TNIP3: variants seen among roughly 807,000 people sequenced by gnomAD.
TNIP3 encodes the protein TNFAIP3-interacting protein 3.
In TNIP3, 34 loss-of-function variants were observed where a neutral mutation model predicts 54.1. The observed-to-expected ratio is 0.63, with a 90% confidence interval of 0.48 to 0.84. TNIP3 has a LOEUF of 0.84. Among genes scored for constraint, TNIP3 ranks in the 40% least tolerant of loss-of-function variants. The probability of loss-of-function intolerance (pLI) is 0.00; values close to 1 mark genes in which losing one functional copy is unlikely to be tolerated. For missense variants in TNIP3, 366 were observed against 387.6 expected (o/e 0.94, Z 0.47); for synonymous variants, 134 against 136.8 (o/e 0.98, Z 0.14).
chr4:121,225,462 C>T (rs1246248638), intron 1 of TNIP3, among the ~76,000 whole-genome samples: 3 of 152,002 alleles, frequency 2.0e-5, no homozygotes, highest in African/African-American at 2.4e-5. Context: ...TGGATGTACA[C>T]GTGAAAAGTG....
chr4:121,151,221 G>T (rs1204991800), intron 5 of TNIP3, among the ~76,000 whole-genome samples: 1 of 152,096 alleles, frequency 6.6e-6, no homozygotes, highest in East Asian at 1.9e-4. Flanking sequence ...AATAGAAAAG[G>T]TTCATTTTCA....
At chr4:121,177,813 T>C (rs1005489102) in intron 3 of TNIP3, among the ~76,000 whole-genome samples, 24 of 152,230 alleles carry the variant, frequency 1.6e-4, no homozygotes, top group African/African-American at 5.1e-4. Context: ...CAGAATGCTA[T>C]TGTGTAAATA....
chr4:121,142,994 A>C (rs181185524), intron 7 of TNIP3, among the ~76,000 whole-genome samples: 1 of 152,344 alleles, frequency 6.6e-6, no homozygotes, highest in Non-Finnish European at 1.5e-5. Flanking sequence ...TTTTGAGGCC[A>C]TTACAATTCT....
chr4:121,158,620 C>T, intron 3 of TNIP3, 67 bp downstream of exon 3: 1 of 1,268,708 alleles, frequency 7.9e-7, no homozygotes, highest in Non-Finnish European at 1.1e-6. Flanking sequence ...GAATGAGACT[C>T]TTCACACAAT....
At position 121,216,343 on chromosome 4, in the gene TNIP3, C is replaced by T. The variant is rs547662751; in HGVS notation, c.68+72G>A. On this transcript the variant is annotated intron_variant, in intron 2 of 12. Transcript: ENST00000507879. ...TTCTACTCTTAATACACTATCATTG[C>T]CACAAAGCAGAAGTGCTCTAATTAG... 1.2e-5 allele frequency: 16 copies of T among 1,296,458 alleles called. No homozygotes were observed. The Admixed American group carries it at 1.6e-4, about 13-fold the overall frequency. The allele number at this position is 1,296,458 out of a possible 1,614,324, so 80.3% of individuals were successfully genotyped here.
chr4:121,195,523 GTTT>G (rs2148835825), intron 2 of TNIP3, among the ~76,000 whole-genome samples: 1 of 152,270 alleles, frequency 6.6e-6, no homozygotes, highest in South Asian at 2.1e-4. Flanking sequence ...GGTACTCTTT[GTTT>G]ATTATAACAT....
intron 9 of TNIP3, among the ~76,000 whole-genome samples, chr4:121,139,904 C>G (rs537334672): frequency 1.3e-5 from 2 of 152,338 alleles, no homozygotes; most frequent in South Asian, 4.1e-4. Context: ...ATGTTACCAA[C>G]ACTATAGCAT....
chr4:121,178,428 T>C (rs1463940248), intron 3 of TNIP3, among the ~76,000 whole-genome samples: 1 of 152,086 alleles, frequency 6.6e-6, no homozygotes, highest in Non-Finnish European at 1.5e-5. Context: ...AAAGAAGAAG[T>C]CTCTTCACCT....
rs547727605 is a variant in TNIP3, at chr4:121,210,540, G to C, written c.68+5875C>G. Reference sequence around the variant, plus strand: ...AATAGTGTCTTAGTCTTCTTGAGTTGCCATAAGGAAACAGCATAGATTGGG... The same window carrying C: ...AATAGTGTCTTAGTCTTCTTGAGTTCCCATAAGGAAACAGCATAGATTGGG... On this transcript the variant is annotated intron_variant, in intron 2 of 12. Transcript: ENST00000507879. 5.3e-5 allele frequency among the ~76,000 whole-genome samples: 8 copies of C among 152,268 alleles called. No individual in the cohort carries two copies. In the East Asian group the frequency reaches 1.5e-3, roughly 29 times the overall value.
chr4:121,143,553 A>G (rs1729250779), intron 7 of TNIP3, among the ~76,000 whole-genome samples: 1 of 152,198 alleles, frequency 6.6e-6, no homozygotes, highest in African/African-American at 2.4e-5. Flanking sequence ...TTTTTAGACC[A>G]ATGTGTACTA....
intron 2 of TNIP3, among the ~76,000 whole-genome samples, chr4:121,213,044 A>G (rs1472394439): frequency 6.6e-6 from 1 of 152,196 alleles, no homozygotes; most frequent in African/African-American, 2.4e-5. Context: ...TCAATGTTGC[A>G]TCTGGAAGAG....
chr4:121,213,666 G>T (rs1432234014), intron 2 of TNIP3, among the ~76,000 whole-genome samples: 1 of 150,954 alleles, frequency 6.6e-6, no homozygotes, highest in African/African-American at 2.4e-5. Context: ...GGTGGAGCTT[G>T]CAGTGAGTCG....
In TNIP3 at chr4:121,132,245, CACACACAT is replaced by C. The variant is rs1427698510; in HGVS notation, c.*378_*385del. 1.7e-5 allele frequency: 3 copies of C among 171,548 alleles called. No individual in the cohort carries two copies. The highest frequency in any genetic ancestry group is 3.6e-5 in the Non-Finnish European group (3 of 83,578). The allele number at this position is 171,548 out of a possible 1,614,324, so 10.6% of individuals were successfully genotyped here. A position where few individuals can be genotyped will look rare whatever the true frequency, so the allele number is the denominator to read the frequency against. The stretch of plus-strand genomic sequence containing the variant: ...ACACACACACACACACACACACACA[CACACACAT>C]ATGCACTTTAAATCAACATACAATA... On this transcript the variant is annotated 3_prime_UTR_variant, in exon 11 of 11. Transcript: ENST00000057513.
intron 3 of TNIP3, among the ~76,000 whole-genome samples, chr4:121,177,701 G>A (rs1724441550): frequency 6.6e-6 from 1 of 152,148 alleles, no homozygotes; most frequent in Admixed American, 6.5e-5. Context: ...TCACGCTTGT[G>A]TTAACCAAAT....
intron 7 of TNIP3, among the ~76,000 whole-genome samples, 161 bp from the exon 8 acceptor site, chr4:121,142,937 C>T (rs189745265): frequency 1.1e-4 from 17 of 152,290 alleles, no homozygotes; most frequent in Non-Finnish European, 2.4e-4. Flanking sequence ...TTAAAATTTC[C>T]AGTTGCAGTT....
rs753688840 is a variant in TNIP3 at position 121,172,957 on chromosome 4, A to T, written c.190-8811T>A. On this transcript the variant is annotated intron_variant, in intron 3 of 12. Coordinates refer to the TNIP3 transcript ENST00000507879. ...TGGTTTAAAATACTTTATTTGCTTC[A>T]ATCTGAACTTCATAACAGCCCCGTA... 2.6e-5 allele frequency among the ~76,000 whole-genome samples: 4 copies of T among 152,228 alleles called. No individual in the cohort carries two copies. The South Asian group carries it at 8.3e-4, about 32-fold the overall frequency.
At chr4:121,147,204 A>G (rs2148802570) in intron 6 of TNIP3, 30 bp from the exon 7 acceptor site, 1 of 1,591,822 alleles carries the variant, frequency 6.3e-7, no homozygotes, top group Non-Finnish European at 8.5e-7. Flanking sequence ...TGTTACTGTA[A>G]GCTTCCTTTT....
At chr4:121,205,980 G>A (rs574474886) in intron 2 of TNIP3, among the ~76,000 whole-genome samples, 7 of 152,074 alleles carry the variant, frequency 4.6e-5, no homozygotes, top group African/African-American at 1.2e-4. Flanking sequence ...GAGAAGTGCC[G>A]AGTAAAGGGG....
chr4:121,162,457 G>C (rs1160416138), intron 1 of TNIP3, among the ~76,000 whole-genome samples: 2 of 152,200 alleles, frequency 1.3e-5, no homozygotes, highest in Non-Finnish European at 2.9e-5. Flanking sequence ...TGAGCACCAA[G>C]AGTGACACTG....
Sources: gnomAD v4.1 joint callset for allele counts (sites outside exome capture counted in the v4.1 genomes callset) on GRCh38, gnomAD v4.1.1 for gene constraint, MANE v1.5 for transcripts, NCBI Gene and HGNC (gene_info 2026-07-23, HGNC 2026-07-21) for gene names.